Variants in SMG1 observed in about 807,000 individuals in gnomAD.
SMG1 encodes the protein serine/threonine-protein kinase SMG1.
In SMG1, 22 loss-of-function variants were observed where a neutral mutation model predicts 419.9. The ratio of observed to expected loss-of-function variants is 0.05; its 90% CI spans 0.04 to 0.07. The LOEUF is 0.07. SMG1 is among the 10% of genes least tolerant of loss of function. SMG1 has a pLI of 1.00. For synonymous variants in SMG1, 1,538 were observed against 1,553.5 expected, an observed-to-expected ratio of 0.99 and a Z score of 0.23; for missense variants, 3,185 against 4,342.0, an observed-to-expected ratio of 0.73 and a Z score of 7.49.
chr16:18,849,889 G>T, intron 35 of SMG1, 60 bp downstream of exon 35: 1 of 1,497,770 alleles, frequency 6.7e-7, no homozygotes, highest in Non-Finnish European at 9.0e-7. Flanking sequence ...ACCACTTTTT[G>T]AAATCTTATA....
chr16:18,820,647 G>A (rs1168508331), intron 55 of SMG1, among the ~76,000 whole-genome samples: 1 of 152,156 alleles, frequency 6.6e-6, no homozygotes, highest in Admixed American at 6.5e-5. Flanking sequence ...TTTCCTGCAT[G>A]TCCATGTCTC....
intron 13 of SMG1, among the ~76,000 whole-genome samples, chr16:18,873,953 C>T (rs979643605): frequency 2.0e-5 from 3 of 152,196 alleles, no homozygotes; most frequent in African/African-American, 7.2e-5. Flanking sequence ...ATCAAGCTTT[C>T]GTGTTCGAAG....
chr16:18,875,975 T>A (rs2925511), intron 13 of SMG1, 149 bp downstream of exon 13: 54,253 of 797,256 alleles, frequency 0.068, 2,349 homozygotes, highest in African/African-American at 0.16. Context: ...TTCCTACCAA[T>A]TTTATTTATC....
At chr16:18,916,040 GC>G (rs2037958631) in intron 1 of SMG1, among the ~76,000 whole-genome samples, 1 of 128,032 alleles carries the variant, frequency 7.8e-6, no homozygotes, top group South Asian at 2.5e-4. Context: ...TTGCACTCCA[GC>G]CTGGGGGATA....
intron 1 of SMG1, among the ~76,000 whole-genome samples, chr16:18,913,105 A>C (rs2037851215): frequency 1.3e-5 from 2 of 152,136 alleles, no homozygotes; most frequent in Non-Finnish European, 2.9e-5. Context: ...AAAAAGCCTA[A>C]TGATTTCCTC....
chr16:18,881,655 C>G (rs1344397279), intron 10 of SMG1, among the ~76,000 whole-genome samples: 5 of 152,110 alleles, frequency 3.3e-5, no homozygotes, highest in Non-Finnish European at 5.9e-5. Flanking sequence ...ACATACAGTG[C>G]AGCTAATGTT....
chr16:18,924,793 C>T (rs1242459424), intron 1 of SMG1: 2 of 152,212 alleles, frequency 1.3e-5, no homozygotes, highest in Non-Finnish European at 1.5e-5. Context: ...AGATGTGTAC[C>T]ACCTATTAGC....
At chr16:18,818,692 C>T (rs1241951004) in intron 56 of SMG1, among the ~76,000 whole-genome samples, 1 of 152,000 alleles carries the variant, frequency 6.6e-6, no homozygotes, top group Non-Finnish European at 1.5e-5. Context: ...TAAGCACTGG[C>T]GACAGGTATG....
chr16:18,867,520 T>A (rs1394952985), intron 22 of SMG1, among the ~76,000 whole-genome samples: 4 of 132,454 alleles, frequency 3.0e-5, no homozygotes, highest in Middle Eastern at 3.8e-3. Context: ...TGAAACTGTG[T>A]CTCAAAAAAT....
At chr16:18,848,160 A>G (rs1396098444) in intron 36 of SMG1, 127 bp from the exon 37 acceptor site, 2 of 724,826 alleles carry the variant, frequency 2.8e-6, no homozygotes, top group Non-Finnish European at 4.5e-6. Flanking sequence ...CCTTCCAGGC[A>G]TAGAACTGAT....
In SMG1 at chr16:18,880,722, G is replaced by T. The variant is rs1422189185; in HGVS notation, c.1294-1003C>A. ...AGAGACCATGTCTCCAAAAAAAAAA[G>T]GGGGGGGGCGCGGAGGGGGAAGCAT... On this transcript the variant is annotated intron_variant, in intron 10 of 62. Coordinates refer to ENST00000446231, the MANE Select transcript of SMG1 (RefSeq NM_015092.5). 6.5e-5 allele frequency among the ~76,000 whole-genome samples: 2 copies of T among 30,944 alleles called. 1 individual carries two copies. The highest frequency in any genetic ancestry group is 1.5e-4 in the Non-Finnish European group (2 of 13,604). The allele number at this position is 30,944 out of a possible 152,430, so 20.3% of individuals were successfully genotyped here.
chr16:18,865,787 C>T (rs1048646785), intron 23 of SMG1, among the ~76,000 whole-genome samples: 1 of 151,976 alleles, frequency 6.6e-6, no homozygotes, highest in African/African-American at 2.4e-5. Context: ...CTCAGCCTCC[C>T]AAGTAGCTGG....
chr16:18,883,502 A>T (rs1005925935), intron 9 of SMG1, among the ~76,000 whole-genome samples: 8 of 152,216 alleles, frequency 5.3e-5, no homozygotes, highest in Non-Finnish European at 7.3e-5. Context: ...AATAACAAAA[A>T]ATGTCTTTAG....
chr16:18,882,513 A>G (rs961340258), intron 9 of SMG1, among the ~76,000 whole-genome samples, 175 bp from the exon 10 acceptor site: 1 of 152,214 alleles, frequency 6.6e-6, no homozygotes, highest in Non-Finnish European at 1.5e-5. Context: ...GGTTTTACCT[A>G]ATTATTTCAA....
intron 58 of SMG1, 173 bp downstream of exon 58, chr16:18,816,129 G>A (rs1417400957): frequency 3.3e-6 from 2 of 610,430 alleles, no homozygotes; most frequent in African/African-American, 3.7e-5. Context: ...TACTACTACT[G>A]GCTTTAAAAA....
chr16:18,926,030 T>A lies in SMG1; in HGVS notation c.12A>T (p.Arg4Ser). 1 of 1,573,126 alleles carries A rather than the reference T, an allele frequency of 6.4e-7. No homozygotes were observed. Among genetic ancestry groups the A allele is most frequent in the Non-Finnish European group, 8.6e-7 (1 of 1,167,940 alleles). Residue 4 changes from arginine (R) to serine (S), a missense_variant, in exon 1 of 63, where the codon AGA becomes AGT. By Grantham distance (110) the Arg-to-Ser change is moderately radical (BLOSUM62 -1). Around this residue, in one of 27 missense-constraint regions of SMG1, gnomAD observed 88 missense variants for 85.9 expected, o/e 1.02. Transcript: ENST00000446231. MSR[R>S]APGSRLSSGG... ...CGCTGCTCAGCCGAGACCCCGGGGC[T>A]CTGCGGCTCATTACCTTCCCCGACA...
In SMG1 at chr16:18,819,528, G is replaced by C; in HGVS notation, c.9868C>G (p.Leu3290Val). The C allele has an allele frequency of 6.2e-7, 1 of 1,610,090 alleles. No individual in the cohort carries two copies. Among genetic ancestry groups the C allele is most frequent in the Non-Finnish European group, 8.5e-7 (1 of 1,177,966 alleles). ...TGACTTGCTCTTTGGCTCTCTTTAA[G>C]GACAAGATTTCTTCTTTCAGCTATC... is the stretch of plus-strand genomic sequence containing the variant. ...ATIAERRNLVLKESQRASQVT... is the reference protein window; with the variant it reads ...ATIAERRNLVVKESQRASQVT... The change falls in exon 56 of 63, where the codon CTT becomes GTT. Residue 3290 changes from leucine to valine, a missense_variant. Coordinates refer to ENST00000446231, the MANE Select transcript of SMG1 (RefSeq NM_015092.5).
chr16:18,919,395 C>T (rs980181900), intron 1 of SMG1, among the ~76,000 whole-genome samples: 5 of 150,944 alleles, frequency 3.3e-5, no homozygotes, highest in African/African-American at 9.7e-5. Flanking sequence ...GAGGCTGAGG[C>T]GGGCGGATCA....
In SMG1 at chr16:18,838,472, A is replaced by G; in HGVS notation, c.7085-6T>C. On this transcript the variant is annotated splice_region_variant and splice_polypyrimidine_tract_variant and intron_variant, in intron 43 of 62. Transcript: ENST00000446231. Reference sequence around the variant, plus strand: ...AGGAACTCTAAGGCTTTTACCTTGAAAAGACAAATCATTATATTTTTGCCC... The same window carrying G: ...AGGAACTCTAAGGCTTTTACCTTGAGAAGACAAATCATTATATTTTTGCCC... 1.9e-6 allele frequency: 3 copies of G among 1,614,052 alleles called. No individual in the cohort carries two copies. The highest frequency in any genetic ancestry group is 2.5e-6 in the Non-Finnish European group (3 of 1,179,896).
Sources: gnomAD v4.1 joint callset for allele counts (sites outside exome capture counted in the v4.1 genomes callset) on GRCh38, gnomAD v4.1.1 for gene constraint, gnomAD v4.1.1 regional missense constraint, MANE v1.5 for transcripts, NCBI Gene and HGNC (gene_info 2026-07-23, HGNC 2026-07-21) for gene names.